Variants in POPDC1 observed in about 807,000 individuals in gnomAD.
The protein encoded by POPDC1 is popeye domain cAMP effector 1, also known as popeye domain-containing protein 1.
chr6:105,109,224 C>T, the POPDC1 span, among the ~76,000 whole-genome samples: 4 of 152,100 alleles, frequency 2.6e-5, no homozygotes, highest in East Asian at 5.8e-4. Context: ...TCCCAAAGTG[C>T]GGGGACTATA....
chr6:105,108,798 A>G, the POPDC1 span, among the ~76,000 whole-genome samples: 1 of 152,326 alleles, frequency 6.6e-6, no homozygotes, highest in Admixed American at 6.5e-5. Context: ...TAATCTCAAC[A>G]TTGTTTATTT....
the POPDC1 span, chr6:105,129,537 C>T: frequency 5.0e-6 from 8 of 1,585,322 alleles, no homozygotes; most frequent in Non-Finnish European, 6.0e-6. Flanking sequence ...GTTAGATAAT[C>T]TAGAAGAGCC....
the POPDC1 span, among the ~76,000 whole-genome samples, chr6:105,123,163 C>G: frequency 6.6e-6 from 1 of 152,180 alleles, no homozygotes; most frequent in Non-Finnish European, 1.5e-5. Context: ...GTAGTAATAG[C>G]CTCTTCGTTT....
chr6:105,124,521 T>C, the POPDC1 span: 1 of 1,476,570 alleles, frequency 6.8e-7, no homozygotes, highest in Non-Finnish European at 9.5e-7. Flanking sequence ...AGTTTCAATC[T>C]CCTTAAAAAT....
chr6:105,102,175 G>C, the POPDC1 span, among the ~76,000 whole-genome samples: 3 of 152,196 alleles, frequency 2.0e-5, no homozygotes, highest in African/African-American at 7.2e-5. Flanking sequence ...GCTGAACTCA[G>C]CTGGGGAGAA....
At chr6:105,100,350 A>G in the POPDC1 span, 1 of 151,340 alleles carries the variant, frequency 6.6e-6, no homozygotes, top group South Asian at 2.1e-4. Flanking sequence ...TCTACTAAAA[A>G]TACAAAAAAA....
the POPDC1 span, among the ~76,000 whole-genome samples, chr6:105,123,032 A>G: frequency 2.7e-3 from 410 of 152,334 alleles, 4 homozygotes; most frequent in African/African-American, 9.3e-3. Context: ...ACTAAACTGT[A>G]TGTCTAAAAG....
At chr6:105,116,393 G>A in the POPDC1 span, among the ~76,000 whole-genome samples, 2 of 152,080 alleles carry the variant, frequency 1.3e-5, no homozygotes, top group African/African-American at 4.8e-5. Context: ...CAAACCTCCA[G>A]CTGCCCTGTC....
chr6:105,100,989 C>T, the POPDC1 span: 2 of 1,401,324 alleles, frequency 1.4e-6, no homozygotes, highest in Admixed American at 4.7e-5. Context: ...AGTCTGGATG[C>T]ACTAAAGCAG....
At chr6:105,109,128 T>C in the POPDC1 span, among the ~76,000 whole-genome samples, 1 of 152,090 alleles carries the variant, frequency 6.6e-6, no homozygotes, top group Non-Finnish European at 1.5e-5. Context: ...CTGCTATTTT[T>C]TGTATTTTTT....
the POPDC1 span, among the ~76,000 whole-genome samples, chr6:105,113,180 C>T: frequency 6.6e-6 from 1 of 151,992 alleles, no homozygotes; most frequent in Non-Finnish European, 1.5e-5. Context: ...GATCCTCCAG[C>T]TTCAACCTCC....
the POPDC1 span, among the ~76,000 whole-genome samples, chr6:105,118,125 C>A: frequency 1.3e-5 from 2 of 152,162 alleles, no homozygotes; most frequent in Non-Finnish European, 2.9e-5. Flanking sequence ...AAACCAATGT[C>A]CATTAAACTG....
chr6:105,122,221 T>C, the POPDC1 span, among the ~76,000 whole-genome samples: 4 of 152,180 alleles, frequency 2.6e-5, no homozygotes, highest in Admixed American at 2.6e-4. Flanking sequence ...GGCTTCATGA[T>C]GCTAGTTTTA....
the POPDC1 span, among the ~76,000 whole-genome samples, chr6:105,102,252 T>C: frequency 6.6e-6 from 1 of 151,756 alleles, no homozygotes; most frequent in East Asian, 1.9e-4. Flanking sequence ...CAAAAGCGAG[T>C]GGAGGATCTA....
the POPDC1 span, chr6:105,133,600 A>G: frequency 2.6e-6 from 4 of 1,530,968 alleles, no homozygotes; most frequent in African/African-American, 5.6e-5. Flanking sequence ...TGTAAAAACA[A>G]GTAAACAAAA....
the POPDC1 span, among the ~76,000 whole-genome samples, chr6:105,132,195 A>T: frequency 1.3e-4 from 20 of 152,036 alleles, no homozygotes. Flanking sequence ...CGAACTCCTG[A>T]CCTCAGGTAA....
At chr6:105,129,372 TA>T in the POPDC1 span, 1 of 1,596,050 alleles carries the variant, frequency 6.3e-7, no homozygotes, top group Non-Finnish European at 8.5e-7. Context: ...TTAATTTTAA[TA>T]ATTACCGGTC....
the POPDC1 span, among the ~76,000 whole-genome samples, chr6:105,112,986 A>G: frequency 6.6e-6 from 1 of 151,348 alleles, no homozygotes; most frequent in South Asian, 2.1e-4. Context: ...GCTTCCGTGC[A>G]GTGGCTCTAT....
At chr6:105,125,477 C>T in the POPDC1 span, 2 of 1,614,040 alleles carry the variant, frequency 1.2e-6, no homozygotes, top group African/African-American at 2.7e-5. Context: ...AGGTTTGGAT[C>T]ATGCAAAACT....
Sources: allele counts gnomAD v4.1 joint callset (sites outside exome capture counted in the v4.1 genomes callset), GRCh38; gene constraint gnomAD v4.1.1; transcripts MANE v1.5; gene names NCBI Gene and HGNC (gene_info 2026-07-23, HGNC 2026-07-21).